The following THSD4 variants were observed in gnomAD, a reference collection of about 807,000 sequenced individuals.
The protein encoded by THSD4 is thrombospondin type-1 domain-containing protein 4.
Under a neutral mutation model 119.0 loss-of-function variants are expected in THSD4, and 69 were observed. The ratio of observed to expected loss-of-function variants is 0.58; its 90% CI spans 0.48 to 0.71. THSD4 has a LOEUF of 0.71. THSD4 is among the 30% of genes least tolerant of loss of function. THSD4 has a pLI of 0.00. For synonymous variants in THSD4, 524 were observed against 540.4 expected, an observed-to-expected ratio of 0.97 and a Z score of 0.42; for missense variants, 1,393 against 1,391.1, an observed-to-expected ratio of 1.00 and a Z score of -0.02.
In THSD4 at chr15:71,748,550, GGACCCT is replaced by G; in HGVS notation, c.2373_2378del (p.Pro792_Cys793del). 6.2e-7 allele frequency: 1 copy of G among 1,614,204 alleles called. No homozygotes were observed. The highest frequency in any genetic ancestry group is 8.5e-7 in the Non-Finnish European group (1 of 1,180,040). Reference sequence around the variant, plus strand: ...GAATGACATTGAGAACTGCGACATGGGACCCTGTGCCAAGAGCTGGTTCCTCACCGA... The same window carrying G: ...GAATGACATTGAGAACTGCGACATGGGTGCCAAGAGCTGGTTCCTCACCGA... On this transcript the variant is annotated inframe_deletion, in exon 14 of 18. Transcript: ENST00000261862.
chr15:71,642,620 G>A (rs373606421), intron 7 of THSD4, among the ~76,000 whole-genome samples: 20 of 152,090 alleles, frequency 1.3e-4, no homozygotes, highest in African/African-American at 3.4e-4. Context: ...CTATGCAGCC[G>A]TAAAAAATGA....
chr15:71,302,163 T>A (rs1244112709), intron 6 of THSD4, among the ~76,000 whole-genome samples: 1 of 152,224 alleles, frequency 6.6e-6, no homozygotes. Flanking sequence ...CTCCTTTCCC[T>A]GGCAGCGTTT....
intron 6 of THSD4, 135 bp downstream of exon 6, chr15:71,256,850 G>A (rs1286033797): frequency 9.7e-6 from 7 of 718,650 alleles, no homozygotes; most frequent in Non-Finnish European, 1.6e-5. Context: ...TGACTCCAGG[G>A]CAAAGAGAAG....
At chr15:71,111,142 A>T, upstream of THSD4, 1 of 1,603,416 alleles carries the variant, frequency 6.2e-7, no homozygotes. Flanking sequence ...CCAGGTAACA[A>T]GAACCTTCCT....
intron 7 of THSD4, among the ~76,000 whole-genome samples, chr15:71,541,648 C>T (rs531936773): frequency 1.5e-3 from 233 of 152,294 alleles, no homozygotes; most frequent in Non-Finnish European, 2.7e-3. Flanking sequence ...GTTGTTGTTG[C>T]TTCAGGGTAC....
In THSD4 at chr15:71,538,081, T is replaced by A. The variant is rs115736763; in HGVS notation, c.1153-122449T>A. 3.4e-3 allele frequency among the ~76,000 whole-genome samples: 517 copies of A among 152,252 alleles called. 2 individuals are homozygous for A. The highest frequency in any genetic ancestry group is 0.012 in the African/African-American group (504 of 41,562). ...AGCCTATTTGTCTTTTAATTCTGTT[T>A]ATGATATTTTCAACTTACAGAATTT... On this transcript the variant is annotated intron_variant, in intron 7 of 17. Transcript: ENST00000261862.
intron 15 of THSD4, among the ~76,000 whole-genome samples, chr15:71,764,341 G>A (rs16956179): frequency 0.17 from 25,724 of 152,288 alleles, 5,297 homozygotes; most frequent in African/African-American, 0.49. Context: ...GCAAACAGTT[G>A]TATGCATTTT....
In THSD4 at chr15:71,777,224, C is replaced by A; in HGVS notation, c.2915-8C>A. 1 of 1,614,174 alleles carries A rather than the reference C, an allele frequency of 6.2e-7. No homozygotes were observed. The highest frequency in any genetic ancestry group is 8.5e-7 in the Non-Finnish European group (1 of 1,180,012). Reference sequence around the variant, plus strand: ...AGGGAGTCTTCTGTTCATTCTCTTTCGCTACAGATGAAAACTGCAAGGACA... The same window carrying A: ...AGGGAGTCTTCTGTTCATTCTCTTTAGCTACAGATGAAAACTGCAAGGACA... On this transcript the variant is annotated splice_polypyrimidine_tract_variant and splice_region_variant and intron_variant, in intron 17 of 17. Transcript: ENST00000261862.
chr15:71,680,010 T>C (rs1000302828), intron 8 of THSD4, among the ~76,000 whole-genome samples: 22 of 152,276 alleles, frequency 1.4e-4, no homozygotes, highest in African/African-American at 5.1e-4. Flanking sequence ...AAGAACGTAA[T>C]ACACACCACA....
chr15:71,492,894 C>CTTT (rs11437149), intron 7 of THSD4, among the ~76,000 whole-genome samples: 28 of 144,304 alleles, frequency 1.9e-4, no homozygotes, highest in African/African-American at 6.5e-4. Context: ...CATGAAATGT[C>CTTT]TTTTTTTTTT....
intron 7 of THSD4, among the ~76,000 whole-genome samples, chr15:71,429,248 A>G (rs2046912433): frequency 6.6e-6 from 1 of 152,240 alleles, no homozygotes. Flanking sequence ...CCATAGAGGA[A>G]AGAGATGGGA....
intron 7 of THSD4, among the ~76,000 whole-genome samples, chr15:71,413,954 G>C (rs1396112614): frequency 6.6e-6 from 1 of 152,194 alleles, no homozygotes; most frequent in East Asian, 1.9e-4. Flanking sequence ...TAGCAATCTA[G>C]CTTTATCTTT....
intron 7 of THSD4, among the ~76,000 whole-genome samples, chr15:71,644,466 A>G (rs549696260): frequency 6.6e-6 from 1 of 152,322 alleles, no homozygotes; most frequent in South Asian, 2.1e-4. Flanking sequence ...AATCTTCACC[A>G]GCAAGAATTT....
intron 6 of THSD4, among the ~76,000 whole-genome samples, chr15:71,297,324 G>T (rs112826561): frequency 0.045 from 2,901 of 64,014 alleles, 39 homozygotes; most frequent in East Asian, 0.061. Context: ...TCTTTTTTTT[G>T]TTTGTTTGTT....
intron 6 of THSD4, among the ~76,000 whole-genome samples, chr15:71,313,979 T>C (rs887229738): frequency 6.6e-6 from 1 of 152,208 alleles, no homozygotes; most frequent in Admixed American, 6.5e-5. Context: ...ATACGGATGA[T>C]GAGGCATAGG....
intron 6 of THSD4, among the ~76,000 whole-genome samples, chr15:71,395,946 C>CAA (rs1566968358): frequency 1.0e-3 from 151 of 150,014 alleles, no homozygotes; most frequent in African/African-American, 3.3e-3. Context: ...CACACACACA[C>CAA]ACACACAAAC....
chr15:71,149,993 T>A (rs923102920), intron 2 of THSD4, among the ~76,000 whole-genome samples: 17 of 133,638 alleles, frequency 1.3e-4, no homozygotes, highest in Middle Eastern at 3.7e-3. Flanking sequence ...ATGGCATAAC[T>A]TTTTTTTTTT....
chr15:71,299,580 A>T (rs1368705733), intron 6 of THSD4, among the ~76,000 whole-genome samples: 1 of 152,192 alleles, frequency 6.6e-6, no homozygotes, highest in Non-Finnish European at 1.5e-5. Flanking sequence ...GCTGTTAGTC[A>T]AAGGGTACAA....
chr15:71,461,037 A>G (rs1460299412), intron 7 of THSD4, among the ~76,000 whole-genome samples: 1 of 152,220 alleles, frequency 6.6e-6, no homozygotes, highest in East Asian at 1.9e-4. Flanking sequence ...ATAAACATTT[A>G]TCACCCCACA....
Sources: allele counts gnomAD v4.1 joint callset (sites outside exome capture counted in the v4.1 genomes callset), GRCh38; gene constraint gnomAD v4.1.1; transcripts MANE v1.5; gene names NCBI Gene and HGNC (gene_info 2026-07-23, HGNC 2026-07-21).